The following SYNE1 variants were observed in gnomAD, a reference collection of about 807,000 sequenced individuals.
SYNE1 encodes the protein nesprin-1.
A neutral mutation model predicts 1,111.0 loss-of-function variants in SYNE1; 616 were observed. The ratio of observed to expected loss-of-function variants is 0.55; its 90% CI spans 0.52 to 0.59. The LOEUF (loss-of-function observed/expected upper bound fraction) is 0.59. Among genes scored for constraint, SYNE1 ranks in the 20% least tolerant of loss-of-function variants. The pLI, the probability that SYNE1 is intolerant of heterozygous loss-of-function variation, is 0.00. For missense variants in SYNE1, 10,006 were observed against 10,417.0 expected, an observed-to-expected ratio of 0.96 and a Z score of 1.72; for synonymous variants, 3,855 against 3,825.8, an observed-to-expected ratio of 1.01 and a Z score of -0.28.
rs1312573149 is a variant in SYNE1 at position 152,358,232 on chromosome 6, G to C, written c.10608+141C>G. 7 of 1,180,374 alleles carry C rather than the reference G, an allele frequency of 5.9e-6. No individual in the cohort carries two copies. In the East Asian group the frequency reaches 1.2e-4, roughly 20 times the overall value. 73.1% of individuals were successfully genotyped at this position (1,180,374 alleles called of 1,614,324 possible). ...ACTGCTGAGGTCTCAGAATGTTCTT[G>C]ATCAAACCTTATGGGGATTGCACTT... On this transcript the variant is annotated intron_variant, in intron 66 of 145. Transcript: ENST00000367255.
At chr6:152,363,411 G>A (rs184228919) in intron 63 of SYNE1, among the ~76,000 whole-genome samples, 6 of 150,656 alleles carry the variant, frequency 4.0e-5, no homozygotes, top group South Asian at 2.1e-4. Flanking sequence ...GGAGAATGGC[G>A]TGAACCCGGG....
At chr6:152,221,700 C>A in intron 117 of SYNE1, 141 bp from the exon 118 acceptor site, 1 of 1,093,380 alleles carries the variant, frequency 9.1e-7, no homozygotes, top group Non-Finnish European at 1.3e-6. Context: ...AATGCTTTAT[C>A]AGCTTTCTTT....
At chr6:152,421,674 T>C (rs1563899427) in intron 39 of SYNE1, among the ~76,000 whole-genome samples, 1 of 76,412 alleles carries the variant, frequency 1.3e-5, no homozygotes. Flanking sequence ...TTCCTTATTT[T>C]ATTTATTTAT....
chr6:152,277,431 C>G (rs1185636802), intron 98 of SYNE1: 1 of 152,576 alleles, frequency 6.6e-6, no homozygotes, highest in Non-Finnish European at 1.5e-5. Context: ...GTGTCCACCA[C>G]AAGGCCCAGC....
intron 51 of SYNE1, 104 bp from the exon 52 acceptor site, chr6:152,391,672 C>G (rs958373230): frequency 9.0e-6 from 12 of 1,337,622 alleles, no homozygotes; most frequent in Middle Eastern, 2.6e-4. Flanking sequence ...TAACCAGACA[C>G]AGGCTCATAG....
chr6:152,417,092 T>A, intron 40 of SYNE1, 77 bp from the exon 41 acceptor site: 2 of 1,594,296 alleles, frequency 1.3e-6, no homozygotes, highest in Non-Finnish European at 1.7e-6. Flanking sequence ...GGATTTGTGA[T>A]GTGAAGATCT....
chr6:152,311,065 A>G, intron 87 of SYNE1, 192 bp from the exon 88 acceptor site: 1 of 646,164 alleles, frequency 1.5e-6, no homozygotes, highest in South Asian at 1.8e-5. Flanking sequence ...AAGAAATCAC[A>G]GTTTAGGAAC....
chr6:152,206,961 T>G (rs1183140114), intron 125 of SYNE1, among the ~76,000 whole-genome samples: 1 of 152,066 alleles, frequency 6.6e-6, no homozygotes, highest in African/African-American at 2.4e-5. Flanking sequence ...CACAGAAGAA[T>G]ATTGATGTTG....
rs2086425940 is a variant in SYNE1 at position 152,243,945 on chromosome 6, G to A, written c.19692+592C>T. ...TGCCTAAATGTCAGATCTAGCAAAG[G>A]AAATTAACCCAAAGCATTATTCTCT... On this transcript the variant is annotated intron_variant, in intron 106 of 145. Coordinates refer to ENST00000367255, the MANE Select transcript of SYNE1 (RefSeq NM_182961.4). 2.0e-5 allele frequency among the ~76,000 whole-genome samples: 3 copies of A among 152,260 alleles called. No homozygotes were observed. In the South Asian group the frequency reaches 6.2e-4, roughly 32 times the overall value.
intron 140 of SYNE1, among the ~76,000 whole-genome samples, chr6:152,139,058 C>T (rs746487366): frequency 6.6e-6 from 1 of 152,124 alleles, no homozygotes; most frequent in Non-Finnish European, 1.5e-5. Context: ...CATGCAGATA[C>T]AATTTTGGAG....
intron 3 of SYNE1, among the ~76,000 whole-genome samples, chr6:152,591,399 A>T (rs2099564465): frequency 6.6e-6 from 1 of 152,226 alleles, no homozygotes; most frequent in Admixed American, 6.5e-5. Context: ...AACAAAAACA[A>T]GCAATGGGAA....
intron 73 of SYNE1, among the ~76,000 whole-genome samples, chr6:152,346,619 G>C (rs7356958): frequency 6.6e-6 from 1 of 151,504 alleles, no homozygotes; most frequent in Admixed American, 6.6e-5. Flanking sequence ...AACCATCCTG[G>C]CTAACACGGT....
At chr6:152,595,538 ATAG>A (rs1206933885) in intron 3 of SYNE1, among the ~76,000 whole-genome samples, 1 of 152,214 alleles carries the variant, frequency 6.6e-6, no homozygotes, top group Non-Finnish European at 1.5e-5. Flanking sequence ...AGTTTATTAA[ATAG>A]TAGGTGAATG....
intron 58 of SYNE1, among the ~76,000 whole-genome samples, chr6:152,374,016 A>G (rs1248672751): frequency 6.6e-6 from 1 of 152,246 alleles, no homozygotes; most frequent in Admixed American, 6.5e-5. Context: ...AAAAGACAGC[A>G]GATGAATTTC....
chr6:152,581,046 T>C, intron 3 of SYNE1, among the ~76,000 whole-genome samples: 1 of 152,218 alleles, frequency 6.6e-6, no homozygotes, highest in Non-Finnish European at 1.5e-5. Context: ...GTCTCTACTT[T>C]GTAAACTTCA....
At chr6:152,159,055 G>A (rs1287078176) in intron 131 of SYNE1, among the ~76,000 whole-genome samples, 9 of 152,088 alleles carry the variant, frequency 5.9e-5, no homozygotes, top group African/African-American at 1.4e-4. Flanking sequence ...AGGTTCAAGC[G>A]ATTCTCCTGC....
chr6:152,552,770 C>A (rs1048298521), intron 3 of SYNE1, among the ~76,000 whole-genome samples: 2 of 152,172 alleles, frequency 1.3e-5, no homozygotes, highest in African/African-American at 4.8e-5. Flanking sequence ...GTTAATCCTG[C>A]ACAGAGCACC....
chr6:152,330,844 T>C lies in SYNE1; in HGVS notation c.13841A>G (p.Glu4614Gly), dbSNP rs768998160. ...KYQNILEQSP[E>G]YENLLLTLQR... ...CAGCGTAAGTAGAAGATTTTCATATTCTGGAGATTGTTCAAGAATGTTTTG... is the reference window on the plus strand; with the variant it reads ...CAGCGTAAGTAGAAGATTTTCATATCCTGGAGATTGTTCAAGAATGTTTTG... Residue 4614 changes from glutamate to glycine, a missense_variant, in exon 78 of 146, where the codon GAA becomes GGA. By Grantham distance (98) the Glu-to-Gly change is moderately conservative (BLOSUM62 -2). Coordinates refer to ENST00000367255, the MANE Select transcript of SYNE1 (RefSeq NM_182961.4). 3.7e-6 allele frequency: 6 copies of C among 1,614,106 alleles called. No individual in the cohort carries two copies. The South Asian group carries it at 4.4e-5, about 12-fold the overall frequency.
chr6:152,458,856 C>T lies in SYNE1; in HGVS notation c.2469G>A (p.Gln823=). 6.2e-7 allele frequency: 1 copy of T among 1,614,082 alleles called. No homozygotes were observed. Among genetic ancestry groups the T allele is most frequent in the Non-Finnish European group, 8.5e-7 (1 of 1,179,972 alleles). ...LLIPLEELEK[Q]MTSFYDSLGK... is the part of the protein sequence containing the mutation. ...CAAGTGAGTCATAAAAGGACGTCAT[C>T]TGCTTTTCTAATTCCTCCAACGGAA... The change falls in exon 22 of 146, where the codon CAG becomes CAA. Residue 823 remains glutamine (Q), a synonymous_variant. Transcript: ENST00000367255.
Sources: allele counts gnomAD v4.1 joint callset (sites outside exome capture counted in the v4.1 genomes callset), GRCh38; gene constraint gnomAD v4.1.1; transcripts MANE v1.5; gene names NCBI Gene and HGNC (gene_info 2026-07-23, HGNC 2026-07-21).